Variants in PDPK1 observed in about 807,000 individuals in gnomAD.
PDPK1 encodes the protein 3-phosphoinositide-dependent protein kinase 1.
In PDPK1, 7 loss-of-function variants were observed where a neutral mutation model predicts 39.8. The ratio of observed to expected loss-of-function variants is 0.18; its 90% CI spans 0.10 to 0.33. The LOEUF (loss-of-function observed/expected upper bound fraction) is 0.33. PDPK1 is among the 10% of genes least tolerant of loss of function. The probability of loss-of-function intolerance (pLI) is 1.00; values close to 1 mark genes in which losing one functional copy is unlikely to be tolerated. For missense variants in PDPK1, 182 were observed against 384.7 expected (o/e 0.47, Z 4.41); for synonymous variants, 118 against 159.1 (o/e 0.74, Z 1.95).
chr16:2,578,218 A>T (rs902281602), intron 7 of PDPK1, among the ~76,000 whole-genome samples: 4 of 143,998 alleles, frequency 2.8e-5, no homozygotes, highest in African/African-American at 1.1e-4. Flanking sequence ...GAGGCCCTGG[A>T]GGGTGCGGGT....
chr16:2,589,682 C>T (rs981653141), intron 11 of PDPK1, among the ~76,000 whole-genome samples: 2 of 146,314 alleles, frequency 1.4e-5, no homozygotes, highest in Admixed American at 6.9e-5. Context: ...GAGTGAGACC[C>T]TGTCTCAAAA....
intron 1 of PDPK1, among the ~76,000 whole-genome samples, chr16:2,552,119 C>G (rs2066426103): frequency 6.6e-6 from 1 of 151,190 alleles, no homozygotes; most frequent in African/African-American, 2.4e-5. Context: ...TAGGCACACG[C>G]CACTATGCCT....
At chr16:2,556,301 G>A (rs2066493216) in intron 1 of PDPK1, among the ~76,000 whole-genome samples, 1 of 148,594 alleles carries the variant, frequency 6.7e-6, no homozygotes, top group South Asian at 2.1e-4. Flanking sequence ...TGCCCAGGCT[G>A]GTCTTGAACT....
rs1305045517 is a variant in PDPK1, at chr16:2,599,102, G to C, written c.*1335G>C. On this transcript the variant is annotated 3_prime_UTR_variant, in exon 14 of 14. Transcript: ENST00000342085. ...TTGCCCCGCTCTGCAGCACAGACAG[G>C]CCAGATGCATTTGTCCTTTGCCTAG... 4.3e-6 allele frequency: 1 copy of C among 233,348 alleles called. No individual in the cohort carries two copies. The highest frequency in any genetic ancestry group is 8.5e-6 in the Non-Finnish European group (1 of 118,178). 14.5% of individuals were successfully genotyped at this position (233,348 alleles called of 1,614,324 possible). A position where few individuals can be genotyped will look rare whatever the true frequency, so the allele number is the denominator to read the frequency against.
At chr16:2,551,453 G>A (rs1332987982) in intron 1 of PDPK1, among the ~76,000 whole-genome samples, 61 of 150,874 alleles carry the variant, frequency 4.0e-4, no homozygotes, top group African/African-American at 8.0e-4. Context: ...ACTTTGGTCC[G>A]GGGGCCTGGA....
chr16:2,551,951 C>T (rs2066421048), intron 1 of PDPK1, among the ~76,000 whole-genome samples: 1 of 151,404 alleles, frequency 6.6e-6, no homozygotes, highest in South Asian at 2.1e-4. Context: ...TAGGCATGAG[C>T]CACTGTGCCC....
chr16:2,594,249 T>C (rs2067053517), intron 11 of PDPK1: 1 of 152,308 alleles, frequency 6.6e-6, no homozygotes, highest in East Asian at 1.9e-4. Context: ...TCTTCAAATA[T>C]AAAACATATT....
intron 1 of PDPK1, among the ~76,000 whole-genome samples, chr16:2,547,545 C>T (rs2066373241): frequency 2.4e-5 from 1 of 41,630 alleles, no homozygotes; most frequent in South Asian, 8.0e-4. Flanking sequence ...TCTTGGTGAA[C>T]GCATTGCGTT....
chr16:2,592,724 CTGTT>C, intron 11 of PDPK1: 4 of 450,254 alleles, frequency 8.9e-6, no homozygotes, highest in Non-Finnish European at 1.8e-5. Context: ...CAGCAAGGAG[CTGTT>C]TCTGTCGTGA....
intron 1 of PDPK1, among the ~76,000 whole-genome samples, chr16:2,546,056 A>G (rs2066338384): frequency 1.3e-5 from 2 of 152,170 alleles, no homozygotes; most frequent in Non-Finnish European, 2.9e-5. Flanking sequence ...ATTTATGGCA[A>G]GAATACTGCT....
At chr16:2,590,118 G>A (rs369934245) in intron 11 of PDPK1, among the ~76,000 whole-genome samples, 4 of 152,144 alleles carry the variant, frequency 2.6e-5, no homozygotes, top group Admixed American at 6.5e-5. Flanking sequence ...TTCTCATCAC[G>A]GATGATGTTC....
chr16:2,546,115 A>T (rs1383292120), intron 1 of PDPK1, among the ~76,000 whole-genome samples: 1 of 151,116 alleles, frequency 6.6e-6, no homozygotes. Context: ...ATGGAGTCTC[A>T]CTCTGTCACC....
chr16:2,600,304 C>A lies in PDPK1; in HGVS notation c.*2537C>A. ...ATAGACTTGGGGCCATGTGCCTCCC[C>A]ACACATGGGCAAGGACAGGTGGAAT... On this transcript the variant is annotated 3_prime_UTR_variant, in exon 14 of 14. Coordinates refer to ENST00000342085, the MANE Select transcript of PDPK1 (RefSeq NM_002613.5). The A allele has an allele frequency of 8.6e-6, 2 of 233,406 alleles. No homozygotes were observed. The highest frequency in any genetic ancestry group is 1.7e-5 in the Non-Finnish European group (2 of 118,112). The allele number at this position is 233,406 out of a possible 1,614,324, so 14.5% of individuals were successfully genotyped here.
rs961204410 is a variant in PDPK1 at position 2,600,248 on chromosome 16, C to T, written c.*2481C>T. On this transcript the variant is annotated 3_prime_UTR_variant, in exon 14 of 14. Transcript: ENST00000342085. ...CGTGGAATTACAGTTGTGGGTTTAT[C>T]CAAGATGAGGAAGATTTCACCTGCT... 2 of 233,330 alleles carry T rather than the reference C, an allele frequency of 8.6e-6. No individual in the cohort carries two copies. Among genetic ancestry groups the T allele is most frequent in the African/African-American group, 4.4e-5 (2 of 45,346 alleles). 14.5% of individuals were successfully genotyped at this position (233,330 alleles called of 1,614,324 possible).
At chr16:2,586,635 C>A (rs746003724) in intron 10 of PDPK1, 41 bp from the exon 11 acceptor site, 2 of 1,558,156 alleles carry the variant, frequency 1.3e-6, no homozygotes, top group East Asian at 4.5e-5. Flanking sequence ...ACCTTAGAGG[C>A]AAGTGAAGGT....
rs545479475 is a variant in PDPK1, at chr16:2,545,958, G to A, written c.24+7822G>A. Among the ~76,000 whole-genome samples the A allele has an allele frequency of 3.1e-3, 479 of 152,218 alleles. 2 individuals carry two copies. Among genetic ancestry groups the A allele is most frequent in the African/African-American group, 0.011 (454 of 41,540 alleles). ...TGGCCAGCATTTCTTAAAATATGAGGGTAGTTGTCTCGTATTTTATATAAA... is the reference window on the plus strand; with the variant it reads ...TGGCCAGCATTTCTTAAAATATGAGAGTAGTTGTCTCGTATTTTATATAAA... On this transcript the variant is annotated intron_variant, in intron 1 of 13. Coordinates refer to ENST00000342085, the MANE Select transcript of PDPK1 (RefSeq NM_002613.5).
At position 2,601,296 on chromosome 16, in the gene PDPK1, T is replaced by C. The variant is rs2067210229; in HGVS notation, c.*3529T>C. The C allele has an allele frequency of 4.3e-6, 1 of 234,516 alleles. No homozygotes were observed. The highest frequency in any genetic ancestry group is 1.8e-4 in the South Asian group (1 of 5,512). 14.5% of individuals were successfully genotyped at this position (234,516 alleles called of 1,614,324 possible). A position where few individuals can be genotyped will look rare whatever the true frequency, so the allele number is the denominator to read the frequency against. On this transcript the variant is annotated 3_prime_UTR_variant, in exon 14 of 14. Transcript: ENST00000342085. ...CTGATAAGCCATGTGTTCCAAAGAA[T>C]GTCTGAATAAGACCGCTCTTTATTT...
At position 2,542,705 on chromosome 16, in the gene PDPK1, C is replaced by T. The variant is rs560595391; in HGVS notation, c.24+4569C>T. ...ATCAGATGCCCTCTCTACCAGCCAC[C>T]GTGCTGGGACCGGCCCAATCTGTGT... On this transcript the variant is annotated intron_variant, in intron 1 of 13. Transcript: ENST00000342085. Among the ~76,000 whole-genome samples the T allele has an allele frequency of 2.0e-4, 30 of 152,354 alleles. 1 individual carries two copies. The highest frequency in any genetic ancestry group is 1.2e-3 in the South Asian group (6 of 4,826).
In PDPK1 at chr16:2,599,756, A is replaced by G. The variant is rs1181513635; in HGVS notation, c.*1989A>G. The G allele has an allele frequency of 6.5e-6, 1 of 152,920 alleles. No individual in the cohort carries two copies. Among genetic ancestry groups the G allele is most frequent in the African/African-American group, 2.7e-5 (1 of 36,682 alleles). 9.5% of individuals were successfully genotyped at this position (152,920 alleles called of 1,614,324 possible). On this transcript the variant is annotated 3_prime_UTR_variant, in exon 14 of 14. Coordinates refer to ENST00000342085, the MANE Select transcript of PDPK1 (RefSeq NM_002613.5). ...CCATCTCAGAACGTCCTGTGTCTCCATGTAGGAGAGTGGCTCTCTCAGATC... is the reference window on the plus strand; with the variant it reads ...CCATCTCAGAACGTCCTGTGTCTCCGTGTAGGAGAGTGGCTCTCTCAGATC...
Sources: allele counts gnomAD v4.1 joint callset (sites outside exome capture counted in the v4.1 genomes callset), GRCh38; gene constraint gnomAD v4.1.1; transcripts MANE v1.5; gene names NCBI Gene and HGNC (gene_info 2026-07-23, HGNC 2026-07-21).